GNB1L: variants seen among roughly 807,000 people sequenced by gnomAD.
The protein encoded by GNB1L is G protein subunit beta 1 like, also known as guanine nucleotide-binding protein subunit beta-like protein 1.
Under a neutral mutation model 29.1 loss-of-function variants are expected in GNB1L, and 20 were observed. That is an observed-to-expected ratio of 0.69 (90% CI 0.48 to 1.00). The LOEUF is 1.00. Ranked by LOEUF, GNB1L falls within the 50% of genes least tolerant of loss-of-function variation. The pLI, the probability that GNB1L is intolerant of heterozygous loss-of-function variation, is 0.00. For missense variants in GNB1L, 421 were observed against 464.9 expected, an observed-to-expected ratio of 0.91 and a Z score of 0.87; for synonymous variants, 193 against 206.5, an observed-to-expected ratio of 0.93 and a Z score of 0.56.
At chr22:19,806,150 G>A (rs529397455) in intron 6 of GNB1L, among the ~76,000 whole-genome samples, 1 of 152,234 alleles carries the variant, frequency 6.6e-6, no homozygotes, top group Non-Finnish European at 1.5e-5. Flanking sequence ...GGAAGGAAAT[G>A]TTCATGGATC....
At chr22:19,789,649 C>T (rs981484011) in intron 7 of GNB1L, among the ~76,000 whole-genome samples, 2 of 152,040 alleles carry the variant, frequency 1.3e-5, no homozygotes. Flanking sequence ...ACAGGTCCTA[C>T]GTGCACGGGG....
intron 2 of GNB1L, among the ~76,000 whole-genome samples, chr22:19,828,200 G>A (rs995544935): frequency 1.3e-5 from 2 of 152,072 alleles, no homozygotes; most frequent in African/African-American, 2.4e-5. Flanking sequence ...ATTCCAAAAC[G>A]CTAAAATTAG....
chr22:19,805,936 G>A (rs1249844012), intron 6 of GNB1L, among the ~76,000 whole-genome samples: 3 of 152,202 alleles, frequency 2.0e-5, no homozygotes, highest in African/African-American at 7.2e-5. Context: ...CACTTGCTCT[G>A]CAGCCCTGGA....
At chr22:19,798,414 C>A (rs1327572443) in intron 7 of GNB1L, among the ~76,000 whole-genome samples, 1 of 152,196 alleles carries the variant, frequency 6.6e-6, no homozygotes, top group Non-Finnish European at 1.5e-5. Context: ...AGAGAGGGAA[C>A]AACAGGCCAC....
rs1428272937 is a variant in GNB1L at position 19,838,473 on chromosome 22, A to AT, written c.-21+15969dup. 4.8e-3 allele frequency among the ~76,000 whole-genome samples: 612 copies of AT among 126,200 alleles called. 4 individuals are homozygous for AT. Among genetic ancestry groups the AT allele is most frequent in the African/African-American group, 0.022 (553 of 25,114 alleles). The allele number at this position is 126,200 out of a possible 152,430, so 82.8% of individuals were successfully genotyped here. Reference sequence around the variant, plus strand: ...CTTATTTATTTATTTTTTTATTTTTATTTTTATTTTTTTTTTGAGACAGAG... The same window carrying AT: ...CTTATTTATTTATTTTTTTATTTTTATTTTTTATTTTTTTTTTGAGACAGAG... On this transcript the variant is annotated intron_variant, in intron 2 of 7. Transcript: ENST00000329517.
At chr22:19,851,107 G>T in intron 2 of GNB1L, 1 of 1,507,536 alleles carries the variant, frequency 6.6e-7, no homozygotes. Context: ...ACTATGGGGC[G>T]CTCAAGCCAC....
At chr22:19,801,312 G>C (rs1316513163) in intron 7 of GNB1L, among the ~76,000 whole-genome samples, 1 of 152,138 alleles carries the variant, frequency 6.6e-6, no homozygotes, top group Admixed American at 6.5e-5. Context: ...ATCTCCCATG[G>C]TCTCTGCAGC....
chr22:19,813,505 G>A (rs1937514306), intron 4 of GNB1L, among the ~76,000 whole-genome samples: 1 of 152,096 alleles, frequency 6.6e-6, no homozygotes, highest in Non-Finnish European at 1.5e-5. Flanking sequence ...GGCCAACATG[G>A]TGAAACCCCG....
chr22:19,802,832 G>A (rs967086571), intron 6 of GNB1L, among the ~76,000 whole-genome samples: 19 of 152,246 alleles, frequency 1.2e-4, no homozygotes, highest in Non-Finnish European at 2.4e-4. Context: ...TGATGAATGA[G>A]GGCGCGGGTC....
At chr22:19,826,008 C>CA (rs910296401) in intron 2 of GNB1L, among the ~76,000 whole-genome samples, 3 of 151,914 alleles carry the variant, frequency 2.0e-5, no homozygotes, top group East Asian at 3.9e-4. Flanking sequence ...ACTAAGTTGA[C>CA]AAAAAAAAGT....
At chr22:19,793,107 G>T in intron 7 of GNB1L, 1 of 1,349,134 alleles carries the variant, frequency 7.4e-7, no homozygotes, top group South Asian at 1.2e-5. Flanking sequence ...GTACACTGTT[G>T]AGTTTTCTGT....
chr22:19,788,663 A>G lies in GNB1L; in HGVS notation c.*46T>C, dbSNP rs1420320585. On this transcript the variant is annotated 3_prime_UTR_variant, in exon 8 of 8. Transcript: ENST00000329517. Reference sequence around the variant, plus strand: ...AGGCCAAGGCTGGGGCCTGATGCCCACCTCCCTGCCCGCCCTCCTCGTCTC... The same window carrying G: ...AGGCCAAGGCTGGGGCCTGATGCCCGCCTCCCTGCCCGCCCTCCTCGTCTC... The G allele has an allele frequency of 6.2e-7, 1 of 1,611,718 alleles. No homozygotes were observed. Among genetic ancestry groups the G allele is most frequent in the Admixed American group, 1.7e-5 (1 of 59,972 alleles).
intron 4 of GNB1L, among the ~76,000 whole-genome samples, chr22:19,819,097 C>T (rs560957622): frequency 2.0e-5 from 3 of 152,224 alleles, no homozygotes; most frequent in African/African-American, 7.2e-5. Context: ...TCGGGGGCTG[C>T]CCCTCCCTGC....
intron 2 of GNB1L, chr22:19,850,148 C>A: frequency 1.0e-6 from 1 of 985,596 alleles, no homozygotes; most frequent in Non-Finnish European, 1.2e-6. Context: ...AGCTGCAATG[C>A]TGACCTGGAA....
chr22:19,798,769 C>A lies in GNB1L; in HGVS notation c.732+3232G>T, dbSNP rs137902659. Among the ~76,000 whole-genome samples the A allele has an allele frequency of 1.9e-3, 283 of 152,234 alleles. 2 individuals carry two copies. The South Asian group carries it at 0.021, about 11-fold the overall frequency. On this transcript the variant is annotated intron_variant, in intron 7 of 7. Transcript: ENST00000329517. ...ACCAGGTTCAAGGACCAGCTTCCCG[C>A]AGGAAATGAGGATGATGCGGGAAGC...
intron 2 of GNB1L, chr22:19,850,332 G>A: frequency 9.1e-6 from 9 of 984,540 alleles, no homozygotes; most frequent in Middle Eastern, 5.2e-4. Flanking sequence ...CAGTCTGCCA[G>A]GAGGGAGATC....
rs556957351 is a variant in GNB1L at position 19,812,734 on chromosome 22, C to T, written c.255-287G>A. Among the ~76,000 whole-genome samples the T allele has an allele frequency of 6.6e-5, 10 of 152,334 alleles. No homozygotes were observed. In the East Asian group the frequency reaches 1.9e-3, roughly 29 times the overall value. On this transcript the variant is annotated intron_variant, in intron 4 of 7. Coordinates refer to ENST00000329517, the MANE Select transcript of GNB1L (RefSeq NM_053004.3). ...GGGGGACACCAACCCTGCAGTGCTG[C>T]ACAGCACAGAGAGCAAACTTCACTG...
chr22:19,843,718 T>C (rs963905716), intron 2 of GNB1L, among the ~76,000 whole-genome samples: 3 of 152,186 alleles, frequency 2.0e-5, no homozygotes, highest in African/African-American at 7.2e-5. Context: ...CCCAGAGCAC[T>C]GGTAAGCTGG....
chr22:19,805,481 A>G (rs983960824), intron 6 of GNB1L, among the ~76,000 whole-genome samples: 8 of 152,214 alleles, frequency 5.3e-5, no homozygotes, highest in African/African-American at 1.9e-4. Context: ...TCAGAGCCAA[A>G]CAGAAAAGGA....
Sources: allele counts gnomAD v4.1 joint callset (sites outside exome capture counted in the v4.1 genomes callset), GRCh38; gene constraint gnomAD v4.1.1; transcripts MANE v1.5; gene names NCBI Gene and HGNC (gene_info 2026-07-23, HGNC 2026-07-21).